Variants in ST14 observed in about 807,000 individuals in gnomAD.
The protein encoded by ST14 is suppressor of tumorigenicity 14 protein.
In ST14, 40 loss-of-function variants were observed where a neutral mutation model predicts 96.5. That is an observed-to-expected ratio of 0.41 (90% CI 0.32 to 0.54). The LOEUF is 0.54. ST14 is among the 20% of genes least tolerant of loss of function. The pLI, the probability that ST14 is intolerant of heterozygous loss-of-function variation, is 0.17. For missense variants in ST14, 1,066 were observed against 1,188.9 expected (o/e 0.90, Z 1.52); for synonymous variants, 506 against 492.1 (o/e 1.03, Z -0.37).
At position 130,196,595 on chromosome 11, in the gene ST14, G is replaced by T. The variant is rs751947133; in HGVS notation, c.1249G>T (p.Val417Phe). 6.8e-6 allele frequency: 11 copies of T among 1,612,738 alleles called. No individual in the cohort carries two copies. Among genetic ancestry groups the T allele is most frequent in the Admixed American group, 1.7e-5 (1 of 59,860 alleles). ...ATACTGCGGAGAGAGGTCCCAGTTC[G>T]TCGTCACCAGCAACAGCAACAAGAT... The part of the protein sequence containing the change: ...EKYCGERSQF[V>F]VTSNSNKITV... Residue 417 changes from valine (V) to phenylalanine (F), a missense_variant, in exon 11 of 19, where the codon GTC becomes TTC. Val to Phe is a conservative substitution (Grantham distance 50). Coordinates refer to ENST00000278742, the MANE Select transcript of ST14 (RefSeq NM_021978.4).
rs945330866 is a variant in ST14 at position 130,181,229 on chromosome 11, G to A, written c.82-6885G>A. On this transcript the variant is annotated intron_variant, in intron 1 of 18. Transcript: ENST00000278742. The surrounding 1 kb of genome is among the most constrained non-coding windows in gnomAD (Gnocchi z 4.1). Reference sequence around the variant, plus strand: ...GATCTCGCCCCTGCTGGGTGAGATAGTGGTGGTCCCTGTTAGATCCTGGCC... The same window carrying A: ...GATCTCGCCCCTGCTGGGTGAGATAATGGTGGTCCCTGTTAGATCCTGGCC... Among the ~76,000 whole-genome samples the A allele has an allele frequency of 2.6e-5, 4 of 152,176 alleles. No homozygotes were observed. The highest frequency in any genetic ancestry group is 9.7e-5 in the African/African-American group (4 of 41,420).
Position 130,190,644 on chromosome 11 carries a change from G to C in ST14, c.825G>C (p.Leu275=). 6.2e-7 allele frequency: 1 copy of C among 1,607,826 alleles called. No individual in the cohort carries two copies. The highest frequency in any genetic ancestry group is 8.5e-7 in the Non-Finnish European group (1 of 1,177,666). ...LASCDERGSD[L]VTVYNTLSPM... ...CCTGCGACGAGCGCGGCAGCGACCT[G>C]GTGACGGTGTACAACACCCTGAGCC... Residue 275 remains leucine (L), a synonymous_variant, in exon 7 of 19, where the codon CTG becomes CTC. Coordinates refer to ENST00000278742, the MANE Select transcript of ST14 (RefSeq NM_021978.4).
intron 1 of ST14, among the ~76,000 whole-genome samples, chr11:130,182,570 C>A (rs1255143998): frequency 6.6e-6 from 1 of 152,140 alleles, no homozygotes; most frequent in East Asian, 1.9e-4. Flanking sequence ...TGGTCTCGAA[C>A]TCCTGGGCTC....
At chr11:130,207,021 C>T (rs934857772) in intron 16 of ST14, among the ~76,000 whole-genome samples, 3 of 152,144 alleles carry the variant, frequency 2.0e-5, no homozygotes, top group South Asian at 4.1e-4. Context: ...CCACTTATTT[C>T]GGGGTTCTTA....
chr11:130,198,471 G>C, intron 13 of ST14, 37 bp from the exon 14 acceptor site: 2 of 1,612,700 alleles, frequency 1.2e-6, no homozygotes, highest in African/African-American at 1.3e-5. Context: ...GGCGACTGAC[G>C]GTGGCTCCTG....
Position 130,181,069 on chromosome 11 carries a change from G to T in ST14, c.82-7045G>T, listed in dbSNP as rs971417711. ...AGTGGTCCCTCTTGGGTGAGATGGTGGTGGTCTGATCTTGTCCCTGCTGGA... is the reference window on the plus strand; with the variant it reads ...AGTGGTCCCTCTTGGGTGAGATGGTTGTGGTCTGATCTTGTCCCTGCTGGA... On this transcript the variant is annotated intron_variant, in intron 1 of 18. Transcript: ENST00000278742. This position sits in a 1 kb window ranked among gnomAD's most constrained non-coding sequence, Gnocchi z 4.1. Among the ~76,000 whole-genome samples, 6 of 151,972 alleles carry T rather than the reference G, an allele frequency of 3.9e-5. No homozygotes were observed. Among genetic ancestry groups the T allele is most frequent in the African/African-American group, 9.7e-5 (4 of 41,348 alleles).
chr11:130,202,702 C>A (rs376647508), intron 16 of ST14, among the ~76,000 whole-genome samples: 4 of 152,166 alleles, frequency 2.6e-5, no homozygotes, highest in Non-Finnish European at 5.9e-5. Flanking sequence ...TGCCGGGAGG[C>A]GGCATCACGT....
rs755318988 is a variant in ST14, at chr11:130,187,435, C to T, written c.82-679C>T. ...TGCTTTTCCCTCTGTTGGGGCTGCG[C>T]GTGGGTGTGGATTCCCACAGTGGGC... On this transcript the variant is annotated intron_variant, in intron 1 of 18. Coordinates refer to ENST00000278742, the MANE Select transcript of ST14 (RefSeq NM_021978.4). This position sits in a 1 kb window ranked among gnomAD's most constrained non-coding sequence, Gnocchi z 4.5. Among the ~76,000 whole-genome samples, 16 of 152,156 alleles carry T rather than the reference C, an allele frequency of 1.1e-4. No individual in the cohort carries two copies. The highest frequency in any genetic ancestry group is 1.3e-4 in the Admixed American group (2 of 15,284).
chr11:130,197,226 G>A (rs767632558), intron 11 of ST14, among the ~76,000 whole-genome samples: 1 of 152,200 alleles, frequency 6.6e-6, no homozygotes, highest in African/African-American at 2.4e-5. Flanking sequence ...CAAGGGCCTG[G>A]CTCACCACCA....
chr11:130,184,659 T>A (rs1049196342), intron 1 of ST14, among the ~76,000 whole-genome samples: 2 of 151,964 alleles, frequency 1.3e-5, no homozygotes, highest in African/African-American at 4.8e-5. Flanking sequence ...AATACCCAAA[T>A]CTCCACCTTG....
At chr11:130,205,595 G>A (rs761770741) in intron 16 of ST14, among the ~76,000 whole-genome samples, 6 of 152,118 alleles carry the variant, frequency 3.9e-5, no homozygotes, top group Admixed American at 1.3e-4. Context: ...CCAAAAACAC[G>A]GATGCTGTCC....
intron 1 of ST14, among the ~76,000 whole-genome samples, chr11:130,166,774 G>A (rs1953045360): frequency 6.6e-6 from 1 of 152,178 alleles, no homozygotes; most frequent in South Asian, 2.1e-4. Context: ...GGAGAGATCA[G>A]GCATGGAAGT....
intron 4 of ST14, chr11:130,189,527 T>C (rs1427477964): frequency 3.4e-5 from 21 of 621,106 alleles, no homozygotes; most frequent in Admixed American, 5.9e-5. Flanking sequence ...ATCGGTCTGG[T>C]TGGGGATGAG....
chr11:130,186,618 A>G (rs573862713), intron 1 of ST14, among the ~76,000 whole-genome samples: 1 of 152,354 alleles, frequency 6.6e-6, no homozygotes, highest in African/African-American at 2.4e-5. Flanking sequence ...ACAAAGACAT[A>G]TACAAAGAAA....
chr11:130,190,340 GGGGC>G, intron 6 of ST14, 110 bp from the exon 7 acceptor site: 1 of 1,551,222 alleles, frequency 6.4e-7, no homozygotes, highest in Admixed American at 1.7e-5. Flanking sequence ...AGGGCAGCCT[GGGGC>G]GTCTCGAAGG....
chr11:130,203,064 C>T (rs1367464743), intron 16 of ST14, among the ~76,000 whole-genome samples: 2 of 152,176 alleles, frequency 1.3e-5, no homozygotes, highest in Admixed American at 1.3e-4. Context: ...CAAATACTGT[C>T]AGACTTACCG....
rs1348854547 is a variant in ST14 at position 130,196,350 on chromosome 11, C to T, written c.1125C>T (p.Asn375=). The T allele has an allele frequency of 1.3e-6, 2 of 1,594,046 alleles. No homozygotes were observed. The highest frequency in any genetic ancestry group is 1.7e-4 in the Middle Eastern group (1 of 5,900). ...DCTWNIEVPN[N]QHVKVRFKFF... ...CTCTCTTCCCTCAGGTGCCCAACAA[C>T]CAGCATGTGAAGGTGCGCTTCAAAT... Residue 375 remains asparagine (N), a synonymous_variant, in exon 10 of 19, where the codon AAC becomes AAT. Coordinates refer to ENST00000278742, the MANE Select transcript of ST14 (RefSeq NM_021978.4).
At chr11:130,180,523 T>C (rs978295819) in intron 1 of ST14, among the ~76,000 whole-genome samples, 1 of 152,214 alleles carries the variant, frequency 6.6e-6, no homozygotes. Context: ...TCTCTAAGGA[T>C]AACCATGCTC....
chr11:130,179,239 G>A (rs1444424870), intron 1 of ST14, among the ~76,000 whole-genome samples: 3 of 152,190 alleles, frequency 2.0e-5, no homozygotes, highest in African/African-American at 4.8e-5. Flanking sequence ...AGGGGCTTGG[G>A]AATCTGGATG....
Sources: allele counts gnomAD v4.1 joint callset (sites outside exome capture counted in the v4.1 genomes callset), GRCh38; gene constraint gnomAD v4.1.1; non-coding constraint Gnocchi (gnomAD v3.1); transcripts MANE v1.5; gene names NCBI Gene and HGNC (gene_info 2026-07-23, HGNC 2026-07-21).